The following SLC17A1 variants were observed in gnomAD, a reference collection of about 807,000 sequenced individuals.
SLC17A1 encodes the protein sodium-dependent phosphate transport protein 1.
SLC17A1 carries 51 observed loss-of-function variants against 53.5 expected under a neutral mutation model. The observed-to-expected ratio is 0.95, with a 90% confidence interval of 0.76 to 1.20. The LOEUF is 1.20. Ranked by LOEUF, SLC17A1 falls within the 50% of genes most tolerant of loss-of-function variation. The pLI, the probability that SLC17A1 is intolerant of heterozygous loss-of-function variation, is 0.00. For synonymous variants in SLC17A1, 179 were observed against 198.8 expected (o/e 0.90, Z 0.84); for missense variants, 538 against 568.2 (o/e 0.95, Z 0.54).
intron 3 of SLC17A1, among the ~76,000 whole-genome samples, chr6:25,824,341 T>C (rs1032555613): frequency 1.3e-5 from 2 of 151,898 alleles, no homozygotes; most frequent in Admixed American, 6.6e-5. Flanking sequence ...CTGGTCATCA[T>C]GATCAGTGTG....
At chr6:25,759,982 T>C in the SLC17A1 span, among the ~76,000 whole-genome samples, 1 of 152,230 alleles carries the variant, frequency 6.6e-6, no homozygotes, top group Admixed American at 6.5e-5. Flanking sequence ...CTGAAACATA[T>C]TATTCTGTGT....
At chr6:25,727,093 GC>G in the SLC17A1 span, 1 of 1,614,236 alleles carries the variant, frequency 6.2e-7, no homozygotes, top group Non-Finnish European at 8.5e-7. Flanking sequence ...AAAGCTATGA[GC>G]ATTATGAATT....
the SLC17A1 span, among the ~76,000 whole-genome samples, chr6:25,738,924 C>A: frequency 2.8e-4 from 42 of 152,260 alleles, 1 homozygote; most frequent in South Asian, 2.1e-4. Flanking sequence ...ATCTCCCATA[C>A]ATTGCTGGTA....
intron 6 of SLC17A1, among the ~76,000 whole-genome samples, chr6:25,815,001 A>G (rs879469963): frequency 1.2e-5 from 1 of 81,898 alleles, no homozygotes; most frequent in African/African-American, 3.5e-5. Context: ...ACACACACAC[A>G]CACACACACA....
At chr6:25,790,974 C>A (rs142077933) in intron 12 of SLC17A1, among the ~76,000 whole-genome samples, 1 of 152,126 alleles carries the variant, frequency 6.6e-6, no homozygotes, top group East Asian at 1.9e-4. Context: ...TTCCAATATT[C>A]CTGAAAATAC....
chr6:25,737,009 G>A, the SLC17A1 span, among the ~76,000 whole-genome samples: 63 of 152,340 alleles, frequency 4.1e-4, 2 homozygotes, highest in South Asian at 0.013. Context: ...CACGGGCCAA[G>A]CTAACTTTGG....
the SLC17A1 span, among the ~76,000 whole-genome samples, chr6:25,730,027 T>C: frequency 0.27 from 41,471 of 152,162 alleles, 6,858 homozygotes; most frequent in East Asian, 0.7. Flanking sequence ...ATGTGTGATA[T>C]AGTAATATTT....
intron 11 of SLC17A1, 43 bp from the exon 12 acceptor site, chr6:25,798,962 G>T: frequency 2.0e-6 from 3 of 1,510,942 alleles, no homozygotes; most frequent in Non-Finnish European, 2.7e-6. Context: ...TATTGCTCTT[G>T]TTTTTTTGTT....
chr6:25,819,613 G>GT lies in SLC17A1; in HGVS notation c.442-16dup. 6.2e-7 allele frequency: 1 copy of GT among 1,612,502 alleles called. No homozygotes were observed. The highest frequency in any genetic ancestry group is 1.3e-5 in the African/African-American group (1 of 74,992). ...GCAACTATCCCCTGAAATGAGAAAGGTTTGACATTTAATCTCTAATACTTC... is the reference window on the plus strand; with the variant it reads ...GCAACTATCCCCTGAAATGAGAAAGGTTTTGACATTTAATCTCTAATACTTC... On this transcript the variant is annotated splice_polypyrimidine_tract_variant and intron_variant, in intron 4 of 12. Transcript: ENST00000244527.
chr6:25,773,326 A>T, the SLC17A1 span: 1 of 1,613,952 alleles, frequency 6.2e-7, no homozygotes, highest in Non-Finnish European at 8.5e-7. Context: ...ATTTATGATG[A>T]TCCTGTGAAT....
At chr6:25,755,126 T>C in the SLC17A1 span, among the ~76,000 whole-genome samples, 1 of 151,362 alleles carries the variant, frequency 6.6e-6, no homozygotes, top group Non-Finnish European at 1.5e-5. Context: ...CTAAATGATA[T>C]ATTTGGATTG....
intron 11 of SLC17A1, among the ~76,000 whole-genome samples, chr6:25,799,904 C>G (rs568757510): frequency 6.6e-6 from 1 of 152,296 alleles, no homozygotes; most frequent in Non-Finnish European, 1.5e-5. Flanking sequence ...CAGGGAGCTT[C>G]TGTGGTTCTA....
chr6:25,741,596 A>T, the SLC17A1 span, among the ~76,000 whole-genome samples: 1 of 151,934 alleles, frequency 6.6e-6, no homozygotes, highest in Non-Finnish European at 1.5e-5. Flanking sequence ...GCCGCCTATA[A>T]TCCCAGCTAC....
the SLC17A1 span, among the ~76,000 whole-genome samples, chr6:25,776,277 T>C: frequency 6.6e-6 from 1 of 152,286 alleles, no homozygotes; most frequent in South Asian, 2.1e-4. Context: ...CACTTATTTT[T>C]CTTTTTTTCT....
the SLC17A1 span, among the ~76,000 whole-genome samples, chr6:25,760,616 AC>A: frequency 1.3e-5 from 2 of 151,958 alleles, no homozygotes; most frequent in African/African-American, 4.8e-5. Flanking sequence ...CATACATTGG[AC>A]CTTTTCACTC....
the SLC17A1 span, among the ~76,000 whole-genome samples, chr6:25,757,620 T>C: frequency 6.6e-6 from 1 of 152,130 alleles, no homozygotes; most frequent in Non-Finnish European, 1.5e-5. Context: ...TCTTGATCCC[T>C]TTCTCTGTCA....
chr6:25,779,215 G>T (rs1469038083), downstream of SLC17A1: 1 of 1,611,114 alleles, frequency 6.2e-7, no homozygotes, highest in African/African-American at 1.3e-5. Context: ...GCTAGATCCT[G>T]GTGCTTAGTT....
the SLC17A1 span, among the ~76,000 whole-genome samples, chr6:25,757,069 T>C: frequency 1.8e-4 from 28 of 152,222 alleles, no homozygotes; most frequent in African/African-American, 6.8e-4. Flanking sequence ...GAGTATTTGT[T>C]TGGATTTCAA....
chr6:25,732,359 T>C, the SLC17A1 span: 1 of 266,632 alleles, frequency 3.8e-6, no homozygotes, highest in Non-Finnish European at 7.3e-6. Flanking sequence ...AATCAGATAA[T>C]CCACAATCTG....
Sources: gnomAD v4.1 joint callset for allele counts (sites outside exome capture counted in the v4.1 genomes callset) on GRCh38, gnomAD v4.1.1 for gene constraint, MANE v1.5 for transcripts, NCBI Gene and HGNC (gene_info 2026-07-23, HGNC 2026-07-21) for gene names.